The following MYO1E variants were observed in gnomAD, a reference collection of about 807,000 sequenced individuals.
The protein encoded by MYO1E is myosin IE, also known as unconventional myosin-Ie.
Under a neutral mutation model 151.1 loss-of-function variants are expected in MYO1E, and 68 were observed. That is an observed-to-expected ratio of 0.45 (90% CI 0.37 to 0.55). The LOEUF (loss-of-function observed/expected upper bound fraction) is 0.55, where lower values mean the gene tolerates loss of function less well. Ranked by LOEUF, MYO1E falls within the 20% of genes least tolerant of loss-of-function variation. The pLI, the probability that MYO1E is intolerant of heterozygous loss-of-function variation, is 0.00. For synonymous variants in MYO1E, 601 were observed against 501.7 expected (o/e 1.20, Z -2.64); for missense variants, 1,363 against 1,389.3 (o/e 0.98, Z 0.30).
At chr15:59,153,492 A>C in intron 26 of MYO1E, 98 bp downstream of exon 26, 1 of 1,337,470 alleles carries the variant, frequency 7.5e-7, no homozygotes, top group South Asian at 1.2e-5. Flanking sequence ...AAACCTTAGA[A>C]TCCTGTGTAT....
chr15:59,320,341 C>A (rs1476704267), intron 1 of MYO1E, among the ~76,000 whole-genome samples: 2 of 151,802 alleles, frequency 1.3e-5, no homozygotes, highest in Non-Finnish European at 2.9e-5. Flanking sequence ...CCTATGAAAC[C>A]AAAAAAGGGC....
Position 59,174,022 on chromosome 15 carries a change from A to T in MYO1E, c.2164+104T>A. 4.0e-6 allele frequency: 6 copies of T among 1,495,844 alleles called. No homozygotes were observed. The South Asian group carries it at 5.6e-5, about 14-fold the overall frequency. 92.7% of individuals were successfully genotyped at this position (1,495,844 alleles called of 1,614,324 possible). A position where few individuals can be genotyped will look rare whatever the true frequency, so the allele number is the denominator to read the frequency against. On this transcript the variant is annotated intron_variant, in intron 20 of 27. Coordinates refer to ENST00000288235, the MANE Select transcript of MYO1E (RefSeq NM_004998.4). ...AAACTCTAAATGATGCAATATTTTTAGCGTGACATTATATGCAAAATAAAA... is the reference window on the plus strand; with the variant it reads ...AAACTCTAAATGATGCAATATTTTTTGCGTGACATTATATGCAAAATAAAA...
chr15:59,142,215 G>A (rs1334994557), intron 26 of MYO1E, among the ~76,000 whole-genome samples: 1 of 152,104 alleles, frequency 6.6e-6, no homozygotes, highest in Admixed American at 6.5e-5. Context: ...CCACAGATGT[G>A]GAACCCATGG....
intron 1 of MYO1E, among the ~76,000 whole-genome samples, chr15:59,331,059 G>C (rs1318510481): frequency 1.3e-5 from 2 of 152,148 alleles, no homozygotes; most frequent in Non-Finnish European, 2.9e-5. Context: ...TGTGAGCCAC[G>C]ACGCCCAGTC....
At chr15:59,279,157 CT>C (rs1177847876) in intron 1 of MYO1E, among the ~76,000 whole-genome samples, 1 of 152,112 alleles carries the variant, frequency 6.6e-6, no homozygotes, top group Non-Finnish European at 1.5e-5. Flanking sequence ...TTCTGACTTC[CT>C]TTTCTCTGCT....
chr15:59,205,386 C>G lies in MYO1E; in HGVS notation c.1616+14G>C. On this transcript the variant is annotated intron_variant, in intron 15 of 27. Coordinates refer to ENST00000288235, the MANE Select transcript of MYO1E (RefSeq NM_004998.4). ...AACCTATATCCCCTGTCAGCTATGG[C>G]AAAACATACTTACAGCTCGCTGCTC... 2 of 1,612,914 alleles carry G rather than the reference C, an allele frequency of 1.2e-6. No individual in the cohort carries two copies. The highest frequency in any genetic ancestry group is 2.2e-5 in the East Asian group (1 of 44,874).
chr15:59,357,492 T>C (rs1372746349), intron 1 of MYO1E, among the ~76,000 whole-genome samples: 2 of 151,568 alleles, frequency 1.3e-5, no homozygotes, highest in African/African-American at 2.4e-5. Flanking sequence ...TGGTGCAATC[T>C]TGGCTCACTG....
rs1266161577 is a variant in MYO1E at position 59,236,280 on chromosome 15, T to G, written c.420+305A>C. 2.0e-5 allele frequency among the ~76,000 whole-genome samples: 3 copies of G among 149,470 alleles called. No individual in the cohort carries two copies. The East Asian group carries it at 5.9e-4, about 29-fold the overall frequency. ...ATCTCTTGAACCCGGGAGGCAGAGG[T>G]TGTGGTGAGCCGAGATCGCGCCACT... On this transcript the variant is annotated intron_variant, in intron 5 of 27. Transcript: ENST00000288235.
chr15:59,301,522 A>T (rs899316477), intron 1 of MYO1E, among the ~76,000 whole-genome samples: 22 of 152,172 alleles, frequency 1.4e-4, no homozygotes, highest in African/African-American at 5.3e-4. Context: ...AGCACCTAGG[A>T]CCCTCAACTG....
intron 1 of MYO1E, among the ~76,000 whole-genome samples, chr15:59,340,497 C>T (rs547643125): frequency 2.6e-5 from 4 of 151,968 alleles, no homozygotes; most frequent in African/African-American, 9.7e-5. Flanking sequence ...AAAAGTAATA[C>T]TTGAGTTGGT....
chr15:59,236,364 ATATAT>A (rs1183374910), intron 5 of MYO1E, among the ~76,000 whole-genome samples: 2,012 of 48,516 alleles, frequency 0.041, 167 homozygotes, highest in Admixed American at 0.063. Context: ...AAAAAAAAAA[ATATAT>A]ACACACACAC....
Position 59,189,275 on chromosome 15 carries a change from G to A in MYO1E, c.1806-1059C>T, listed in dbSNP as rs1180040924. Among the ~76,000 whole-genome samples, 3 of 152,256 alleles carry A rather than the reference G, an allele frequency of 2.0e-5. No individual in the cohort carries two copies. In the South Asian group the frequency reaches 6.2e-4, roughly 32 times the overall value. On this transcript the variant is annotated intron_variant, in intron 17 of 27. Coordinates refer to ENST00000288235, the MANE Select transcript of MYO1E (RefSeq NM_004998.4). ...GGGTTTCGCCACTTTGCCCAGGCTG[G>A]TCTCAAACTCCTGAACTCAATTATC... is the stretch of plus-strand genomic sequence containing the variant.
Position 59,137,192 on chromosome 15 carries a change from C to G in MYO1E, c.*188G>C. On this transcript the variant is annotated 3_prime_UTR_variant, in exon 28 of 28. Coordinates refer to ENST00000288235, the MANE Select transcript of MYO1E (RefSeq NM_004998.4). The stretch of plus-strand genomic sequence containing the variant: ...ATGAAGAGGCTACCTTTTAGGATCA[C>G]TTATGGAGTGATACTCCCTGTCCCC... 2 of 636,174 alleles carry G rather than the reference C, an allele frequency of 3.1e-6. No homozygotes were observed. The highest frequency in any genetic ancestry group is 5.7e-6 in the Non-Finnish European group (2 of 352,698). The allele number at this position is 636,174 out of a possible 1,614,324, so 39.4% of individuals were successfully genotyped here.
intron 5 of MYO1E, among the ~76,000 whole-genome samples, chr15:59,234,255 T>TG (rs1462824333): frequency 3.3e-5 from 5 of 151,492 alleles, no homozygotes; most frequent in African/African-American, 7.3e-5. Flanking sequence ...GGTGCATGGA[T>TG]GGATGGGTGC....
chr15:59,179,938 C>CA (rs2079648541), intron 18 of MYO1E, among the ~76,000 whole-genome samples: 1 of 152,238 alleles, frequency 6.6e-6, no homozygotes, highest in Admixed American at 6.5e-5. Context: ...AATAGGCCCC[C>CA]AGGCCTTGAG....
At chr15:59,302,228 T>G (rs1425801298) in intron 1 of MYO1E, among the ~76,000 whole-genome samples, 2 of 152,146 alleles carry the variant, frequency 1.3e-5, no homozygotes, top group Non-Finnish European at 2.9e-5. Context: ...GTGACTCAAG[T>G]AAGATTTAGG....
At chr15:59,189,978 G>A (rs565755185) in intron 17 of MYO1E, among the ~76,000 whole-genome samples, 66 of 152,308 alleles carry the variant, frequency 4.3e-4, no homozygotes, top group African/African-American at 1.5e-3. Flanking sequence ...TGATTTAGTA[G>A]GCCTGCACCT....
At chr15:59,231,850 G>C in intron 5 of MYO1E, 59 bp from the exon 6 acceptor site, 5 of 1,574,236 alleles carry the variant, frequency 3.2e-6, no homozygotes, top group Admixed American at 3.3e-5. Context: ...CACAGTGTAC[G>C]CCAAACTTTC....
intron 16 of MYO1E, among the ~76,000 whole-genome samples, chr15:59,202,093 C>T (rs2079805895): frequency 3.3e-5 from 5 of 152,226 alleles, no homozygotes; most frequent in Admixed American, 3.3e-4. Context: ...TTATCATCTG[C>T]TGACTATTAA....
Sources: gnomAD v4.1 joint callset for allele counts (sites outside exome capture counted in the v4.1 genomes callset) on GRCh38, gnomAD v4.1.1 for gene constraint, MANE v1.5 for transcripts, NCBI Gene and HGNC (gene_info 2026-07-23, HGNC 2026-07-21) for gene names.